SPOCK1: variants seen among roughly 807,000 people sequenced by gnomAD.
SPOCK1 encodes the protein SPARC (osteonectin), cwcv and kazal like domains proteoglycan 1.
A neutral mutation model predicts 55.3 loss-of-function variants in SPOCK1; 23 were observed. That is an observed-to-expected ratio of 0.42 (90% CI 0.30 to 0.59). The LOEUF (loss-of-function observed/expected upper bound fraction) is 0.59, where lower values mean the gene tolerates loss of function less well. SPOCK1 is among the 20% of genes least tolerant of loss of function. SPOCK1 has a pLI of 0.22. For synonymous variants in SPOCK1, 226 were observed against 221.0 expected (o/e 1.02, Z -0.20); for missense variants, 499 against 552.5 (o/e 0.90, Z 0.97).
intron 2 of SPOCK1, among the ~76,000 whole-genome samples, chr5:137,341,005 T>C (rs1233038852): frequency 6.6e-6 from 1 of 152,024 alleles, no homozygotes; most frequent in Non-Finnish European, 1.5e-5. Flanking sequence ...GCCCTCATAC[T>C]CTGCCCACCC....
chr5:137,410,489 T>A (rs1752186629), intron 2 of SPOCK1, among the ~76,000 whole-genome samples: 1 of 152,226 alleles, frequency 6.6e-6, no homozygotes, highest in Non-Finnish European at 1.5e-5. Flanking sequence ...TTGATAATCA[T>A]CTCATTGGCT....
At chr5:137,459,024 A>C (rs545119401) in intron 2 of SPOCK1, among the ~76,000 whole-genome samples, 1 of 152,182 alleles carries the variant, frequency 6.6e-6, no homozygotes. Context: ...AGGTGCACAC[A>C]CAATTCCATG....
intron 2 of SPOCK1, among the ~76,000 whole-genome samples, chr5:137,443,779 C>G (rs1001117070): frequency 1.3e-5 from 2 of 152,308 alleles, no homozygotes; most frequent in East Asian, 3.9e-4. Flanking sequence ...CTGCTTTGCT[C>G]AGGCCTTTCT....
intron 6 of SPOCK1, among the ~76,000 whole-genome samples, chr5:137,011,680 A>G (rs1238750671): frequency 1.3e-5 from 2 of 152,240 alleles, no homozygotes; most frequent in African/African-American, 4.8e-5. Flanking sequence ...GTAATTAAAA[A>G]TATCACCCCA....
chr5:137,315,078 A>G (rs184891288), intron 2 of SPOCK1, among the ~76,000 whole-genome samples: 1 of 152,272 alleles, frequency 6.6e-6, no homozygotes, highest in African/African-American at 2.4e-5. Context: ...ACCCCTGCCA[A>G]TCCCGACAGG....
At chr5:137,161,901 G>C (rs546896107) in intron 3 of SPOCK1, among the ~76,000 whole-genome samples, 3 of 152,230 alleles carry the variant, frequency 2.0e-5, no homozygotes, top group Admixed American at 2.0e-4. Flanking sequence ...CATATTCTGG[G>C]TAAGATCTAA....
At chr5:137,447,462 T>G (rs1195873126) in intron 2 of SPOCK1, among the ~76,000 whole-genome samples, 1 of 152,232 alleles carries the variant, frequency 6.6e-6, no homozygotes, top group Non-Finnish European at 1.5e-5. Context: ...TAGAAAAATC[T>G]TAATTAAAAT....
At chr5:136,994,758 A>T (rs1751009834) in intron 6 of SPOCK1, among the ~76,000 whole-genome samples, 1 of 151,670 alleles carries the variant, frequency 6.6e-6, no homozygotes, top group Non-Finnish European at 1.5e-5. Context: ...CACGCCTGTA[A>T]TCCCAGCACT....
At chr5:137,297,179 T>C (rs1757505919) in intron 2 of SPOCK1, among the ~76,000 whole-genome samples, 1 of 152,236 alleles carries the variant, frequency 6.6e-6, no homozygotes, top group South Asian at 2.1e-4. Flanking sequence ...TTTATGTGTG[T>C]GAATACACAC....
intron 2 of SPOCK1, among the ~76,000 whole-genome samples, chr5:137,343,984 C>T (rs1229951731): frequency 1.3e-5 from 2 of 152,192 alleles, no homozygotes; most frequent in African/African-American, 2.4e-5. Flanking sequence ...CACAGGAATG[C>T]CCAGTGAACT....
At chr5:137,182,419 C>T (rs1754986217) in intron 3 of SPOCK1, among the ~76,000 whole-genome samples, 1 of 152,230 alleles carries the variant, frequency 6.6e-6, no homozygotes, top group Non-Finnish European at 1.5e-5. Context: ...AACAATGTCT[C>T]AGCTCTTGGT....
intron 2 of SPOCK1, among the ~76,000 whole-genome samples, chr5:137,331,632 G>T (rs888030090): frequency 6.6e-6 from 1 of 152,160 alleles, no homozygotes; most frequent in Non-Finnish European, 1.5e-5. Context: ...ATGTCACATG[G>T]TGAGAGGGGA....
intron 6 of SPOCK1, among the ~76,000 whole-genome samples, chr5:136,999,033 C>G (rs1580700510): frequency 1.3e-5 from 2 of 152,178 alleles, no homozygotes; most frequent in East Asian, 3.9e-4. Context: ...GATCGCTCTC[C>G]ACCTGGCCAC....
intron 3 of SPOCK1, among the ~76,000 whole-genome samples, chr5:137,227,070 C>T (rs986727169): frequency 6.6e-6 from 1 of 152,174 alleles, no homozygotes; most frequent in African/African-American, 2.4e-5. Context: ...GGATTTGTGA[C>T]AAGGGGACAA....
chr5:137,178,167 A>G (rs1409264502), intron 3 of SPOCK1, among the ~76,000 whole-genome samples: 1 of 152,190 alleles, frequency 6.6e-6, no homozygotes, highest in Non-Finnish European at 1.5e-5. Flanking sequence ...TCACCAAGAC[A>G]CTGCCCTAAA....
Position 136,988,632 on chromosome 5 carries a change from T to C in SPOCK1, c.718A>G (p.Ser240Gly). The change falls in exon 8 of 11, where the codon AGC becomes GGC. Residue 240 changes from serine (S) to glycine (G), a missense_variant. This residue lies in a region of SPOCK1 where 386 missense variants were observed against 400.6 expected (regional missense o/e 0.96). Coordinates refer to ENST00000394945, the MANE Select transcript of SPOCK1 (RefSeq NM_004598.4). ...SNTAQGRFDT[S>G]ILPICKDSLG... The stretch of plus-strand genomic sequence containing the variant: ...GAGTCCTTGCAGATGGGCAGGATGC[T>C]AGTGTCAAACCCTGCCAAACAAAAG... The C allele has an allele frequency of 1.9e-6, 3 of 1,612,800 alleles. No homozygotes were observed. Among genetic ancestry groups the C allele is most frequent in the Non-Finnish European group, 2.5e-6 (3 of 1,179,232 alleles).
intron 6 of SPOCK1, among the ~76,000 whole-genome samples, chr5:137,019,569 C>A (rs1027621208): frequency 4.6e-5 from 7 of 151,972 alleles, no homozygotes; most frequent in East Asian, 3.9e-4. Context: ...ATAAACAATG[C>A]GGTAAACATC....
intron 3 of SPOCK1, among the ~76,000 whole-genome samples, chr5:137,152,255 T>C (rs1013717979): frequency 3.9e-5 from 6 of 152,222 alleles, no homozygotes; most frequent in African/African-American, 1.4e-4. Flanking sequence ...AAATACTTCA[T>C]CAATGCATCT....
chr5:137,428,436 T>C (rs1449085817), intron 2 of SPOCK1, among the ~76,000 whole-genome samples: 1 of 152,106 alleles, frequency 6.6e-6, no homozygotes, highest in Non-Finnish European at 1.5e-5. Flanking sequence ...GTCCCCAACC[T>C]GTCCTTCAAG....
Sources: allele counts gnomAD v4.1 joint callset (sites outside exome capture counted in the v4.1 genomes callset), GRCh38; gene constraint gnomAD v4.1.1; regional missense constraint gnomAD v4.1.1; transcripts MANE v1.5; gene names NCBI Gene and HGNC (gene_info 2026-07-23, HGNC 2026-07-21).